PTPRG: variants seen among roughly 807,000 people sequenced by gnomAD.
PTPRG encodes protein tyrosine phosphatase receptor type G.
A neutral mutation model predicts 165.3 loss-of-function variants in PTPRG; 102 were observed. That is an observed-to-expected ratio of 0.62 (90% CI 0.53 to 0.73). PTPRG has a LOEUF of 0.73. PTPRG is among the 30% of genes least tolerant of loss of function. The pLI, the probability that PTPRG is intolerant of heterozygous loss-of-function variation, is 0.00. For synonymous variants in PTPRG, 675 were observed against 669.5 expected, an observed-to-expected ratio of 1.01 and a Z score of -0.13; for missense variants, 1,866 against 1,861.4, an observed-to-expected ratio of 1.00 and a Z score of -0.05.
chr3:62,046,574 G>A (rs1700299604), intron 4 of PTPRG, among the ~76,000 whole-genome samples: 1 of 152,062 alleles, frequency 6.6e-6, no homozygotes, highest in South Asian at 2.1e-4. Context: ...GTCATCATTG[G>A]CATGCTTGCT....
At chr3:61,613,352 G>T (rs1701225324) in intron 1 of PTPRG, among the ~76,000 whole-genome samples, 1 of 152,118 alleles carries the variant, frequency 6.6e-6, no homozygotes, top group South Asian at 2.1e-4. Context: ...CATCAGGATT[G>T]CTTCAATATT....
In PTPRG at chr3:62,234,942, C is replaced by G. The variant is rs545019422; in HGVS notation, c.2375+3631C>G. Among the ~76,000 whole-genome samples the G allele has an allele frequency of 8.6e-4, 130 of 151,496 alleles. 1 individual carries two copies. The Middle Eastern group carries it at 0.017, about 20-fold the overall frequency. ...TGTGATGTCTGAATCTACTTCCCCC[C>G]CCCGAGATGGTCTCAAGTATTTTAA... On this transcript the variant is annotated intron_variant, in intron 14 of 29. Transcript: ENST00000474889.
intron 2 of PTPRG, among the ~76,000 whole-genome samples, chr3:61,969,682 G>T (rs13086575): frequency 0.24 from 36,575 of 151,948 alleles, 5,036 homozygotes; most frequent in African/African-American, 0.37. Flanking sequence ...TCCCTGCATC[G>T]TGCATGGACC....
At chr3:61,639,517 C>T (rs894513238) in intron 1 of PTPRG, among the ~76,000 whole-genome samples, 2 of 152,100 alleles carry the variant, frequency 1.3e-5, no homozygotes, top group African/African-American at 4.8e-5. Context: ...GTTGTTTTAA[C>T]GATATTGATT....
chr3:61,626,325 A>G (rs993044671), intron 1 of PTPRG, among the ~76,000 whole-genome samples: 2 of 152,190 alleles, frequency 1.3e-5, no homozygotes, highest in African/African-American at 2.4e-5. Context: ...TAGCAGTGAT[A>G]GTAGAAATTG....
intron 4 of PTPRG, among the ~76,000 whole-genome samples, chr3:62,053,114 T>TC (rs752507786): frequency 3.9e-5 from 6 of 152,128 alleles, no homozygotes; most frequent in Admixed American, 6.5e-5. Context: ...ATTTTTTTTT[T>TC]CCTAAGGATA....
intron 5 of PTPRG, among the ~76,000 whole-genome samples, chr3:62,080,580 C>T (rs1047376112): frequency 6.6e-6 from 1 of 152,180 alleles, no homozygotes; most frequent in African/African-American, 2.4e-5. Flanking sequence ...TCATGCCAAC[C>T]TGTGCTCAGA....
intron 2 of PTPRG, among the ~76,000 whole-genome samples, chr3:61,881,378 T>A (rs780250524): frequency 5.3e-5 from 8 of 152,198 alleles, no homozygotes; most frequent in Non-Finnish European, 1.0e-4. Context: ...GGTGGTAACA[T>A]CTGCCTTGCC....
At chr3:61,776,015 C>T (rs2034370663) in intron 2 of PTPRG, among the ~76,000 whole-genome samples, 1 of 151,210 alleles carries the variant, frequency 6.6e-6, no homozygotes, top group African/African-American at 2.4e-5. Context: ...CAACATGGCA[C>T]ATGTATGCAT....
intron 1 of PTPRG, among the ~76,000 whole-genome samples, chr3:61,666,996 C>T (rs767546442): frequency 2.0e-5 from 3 of 152,156 alleles, no homozygotes; most frequent in Non-Finnish European, 4.4e-5. Context: ...TCTCCTCTCC[C>T]TTACCCCCCC....
intron 3 of PTPRG, among the ~76,000 whole-genome samples, chr3:61,998,449 C>G (rs1249491914): frequency 1.3e-5 from 2 of 152,282 alleles, no homozygotes; most frequent in Non-Finnish European, 2.9e-5. Context: ...CCTTAACAAA[C>G]CTGTGAAGTA....
chr3:62,037,244 C>T (rs548072583), intron 4 of PTPRG, among the ~76,000 whole-genome samples: 2 of 152,138 alleles, frequency 1.3e-5, no homozygotes, highest in Admixed American at 6.5e-5. Flanking sequence ...TACATTTGCT[C>T]ATATGGAAAC....
chr3:62,207,034 A>G (rs2106850911), intron 12 of PTPRG, among the ~76,000 whole-genome samples: 1 of 152,312 alleles, frequency 6.6e-6, no homozygotes, highest in East Asian at 1.9e-4. Flanking sequence ...AAGCTAAAAA[A>G]AACTTCCTTG....
At chr3:62,184,290 A>G (rs868631233) in intron 8 of PTPRG, among the ~76,000 whole-genome samples, 9 of 152,240 alleles carry the variant, frequency 5.9e-5, no homozygotes, top group Middle Eastern at 6.8e-3. Context: ...CTTTGATTCC[A>G]TCGTTCCCAG....
chr3:61,951,623 G>T (rs72884162), intron 2 of PTPRG, among the ~76,000 whole-genome samples: 1 of 152,086 alleles, frequency 6.6e-6, no homozygotes, highest in Non-Finnish European at 1.5e-5. Flanking sequence ...TATTTCCAGC[G>T]CTTGTTTCCG....
chr3:62,005,894 G>C (rs2041286849), intron 4 of PTPRG, among the ~76,000 whole-genome samples: 1 of 151,746 alleles, frequency 6.6e-6, no homozygotes, highest in Non-Finnish European at 1.5e-5. Context: ...GTAGAGACAA[G>C]GTTTTACCAT....
intron 23 of PTPRG, among the ~76,000 whole-genome samples, chr3:62,275,549 C>T (rs937856082): frequency 3.3e-5 from 5 of 152,180 alleles, no homozygotes; most frequent in East Asian, 1.9e-4. Context: ...TGGTAGATTA[C>T]ACCTGTAATC....
intron 2 of PTPRG, among the ~76,000 whole-genome samples, chr3:61,763,981 C>G (rs2033937093): frequency 6.6e-6 from 1 of 152,206 alleles, no homozygotes; most frequent in Non-Finnish European, 1.5e-5. Flanking sequence ...TAGCTACTGA[C>G]TACCCTTTTG....
At chr3:61,908,562 G>A (rs1429300130) in intron 2 of PTPRG, among the ~76,000 whole-genome samples, 2 of 152,090 alleles carry the variant, frequency 1.3e-5, no homozygotes, top group Non-Finnish European at 2.9e-5. Flanking sequence ...AGGATCAACA[G>A]TTCAATCCTG....
Sources: gnomAD v4.1 joint callset for allele counts (sites outside exome capture counted in the v4.1 genomes callset) on GRCh38, gnomAD v4.1.1 for gene constraint, MANE v1.5 for transcripts, NCBI Gene and HGNC (gene_info 2026-07-23, HGNC 2026-07-21) for gene names.